LDB2: variants seen among roughly 807,000 people sequenced by gnomAD.
LDB2 encodes the protein LIM domain binding 2.
A neutral mutation model predicts 44.3 loss-of-function variants in LDB2; 12 were observed. The observed-to-expected ratio is 0.27, with a 90% confidence interval of 0.17 to 0.44. The LOEUF (loss-of-function observed/expected upper bound fraction) is 0.44, where lower values mean the gene tolerates loss of function less well. Ranked by LOEUF, LDB2 falls within the 20% of genes least tolerant of loss-of-function variation. LDB2 has a pLI of 1.00. For missense variants in LDB2, 344 were observed against 473.5 expected (o/e 0.73, Z 2.54); for synonymous variants, 164 against 174.8 (o/e 0.94, Z 0.49).
intron 2 of LDB2, among the ~76,000 whole-genome samples, chr4:16,703,909 G>C (rs1398778784): frequency 6.6e-6 from 1 of 152,132 alleles, no homozygotes; most frequent in Non-Finnish European, 1.5e-5. Flanking sequence ...TTCTTGTTTT[G>C]CATTTACTTA....
intron 2 of LDB2, among the ~76,000 whole-genome samples, chr4:16,597,922 T>TG (rs760885918): frequency 6.9e-4 from 105 of 152,332 alleles, no homozygotes; most frequent in Middle Eastern, 3.4e-3. Flanking sequence ...AACACAGCTT[T>TG]GCTTTATTGA....
intron 2 of LDB2, among the ~76,000 whole-genome samples, chr4:16,731,875 T>A (rs1760840983): frequency 6.6e-6 from 1 of 152,042 alleles, no homozygotes; most frequent in Non-Finnish European, 1.5e-5. Context: ...AAGCAGTAAC[T>A]ACAAAAAAGC....
chr4:16,512,578 T>C (rs1204368728), intron 5 of LDB2, among the ~76,000 whole-genome samples: 1 of 152,266 alleles, frequency 6.6e-6, no homozygotes, highest in Non-Finnish European at 1.5e-5. Context: ...TTATGCAGAT[T>C]GGTAGTGAAA....
chr4:16,676,049 A>C (rs184756672), intron 2 of LDB2, among the ~76,000 whole-genome samples: 2 of 152,348 alleles, frequency 1.3e-5, no homozygotes, highest in South Asian at 4.1e-4. Context: ...GAAGGCCTCT[A>C]CTGGGAGAAG....
chr4:16,890,999 C>G (rs1339390183), intron 1 of LDB2, among the ~76,000 whole-genome samples: 2 of 151,972 alleles, frequency 1.3e-5, no homozygotes, highest in African/African-American at 4.8e-5. Flanking sequence ...CTTTATTTTC[C>G]CTAAGATTCC....
At chr4:16,697,908 T>G (rs1233243355) in intron 2 of LDB2, among the ~76,000 whole-genome samples, 1 of 152,232 alleles carries the variant, frequency 6.6e-6, no homozygotes, top group Non-Finnish European at 1.5e-5. Context: ...GGTAGAAATT[T>G]GTTCACCATG....
chr4:16,509,219 G>T (rs532935467), intron 6 of LDB2, among the ~76,000 whole-genome samples: 1 of 152,184 alleles, frequency 6.6e-6, no homozygotes, highest in Non-Finnish European at 1.5e-5. Context: ...TACCTTTATA[G>T]AATTCTCAAG....
chr4:16,576,926 A>G (rs990766474), intron 5 of LDB2, among the ~76,000 whole-genome samples: 4 of 152,218 alleles, frequency 2.6e-5, no homozygotes, highest in African/African-American at 9.6e-5. Flanking sequence ...GAATAGTTCA[A>G]CGTATGCAAA....
chr4:16,876,641 TATAAC>T (rs979831079), intron 1 of LDB2, among the ~76,000 whole-genome samples: 2 of 152,148 alleles, frequency 1.3e-5, no homozygotes, highest in African/African-American at 2.4e-5. Flanking sequence ...AGTTTATAAA[TATAAC>T]ATACAGGTTT....
chr4:16,612,744 CG>C (rs1252647084), intron 2 of LDB2, among the ~76,000 whole-genome samples: 1 of 152,106 alleles, frequency 6.6e-6, no homozygotes, highest in Non-Finnish European at 1.5e-5. Context: ...CAGGACCGGA[CG>C]GATTCACAGC....
chr4:16,518,774 G>C (rs542756449), intron 5 of LDB2, among the ~76,000 whole-genome samples: 1 of 152,328 alleles, frequency 6.6e-6, no homozygotes, highest in South Asian at 2.1e-4. Flanking sequence ...TTGAGGCAGA[G>C]CATGTTCAAT....
intron 2 of LDB2, among the ~76,000 whole-genome samples, chr4:16,726,815 C>T (rs923474608): frequency 6.6e-6 from 1 of 152,122 alleles, no homozygotes; most frequent in Non-Finnish European, 1.5e-5. Flanking sequence ...AAATATTCAG[C>T]AGATGACAAA....
At chr4:16,846,927 A>G (rs552412328) in intron 1 of LDB2, among the ~76,000 whole-genome samples, 5 of 152,310 alleles carry the variant, frequency 3.3e-5, no homozygotes, top group Admixed American at 3.3e-4. Context: ...GTCAAAGTAC[A>G]TTTCCCAGAT....
At chr4:16,620,799 G>A (rs1363067661) in intron 2 of LDB2, among the ~76,000 whole-genome samples, 1 of 152,226 alleles carries the variant, frequency 6.6e-6, no homozygotes, top group African/African-American at 2.4e-5. Flanking sequence ...TGGTGACTGG[G>A]TGGGTAAGTC....
At chr4:16,521,050 G>GCTGT (rs1341033400) in intron 5 of LDB2, among the ~76,000 whole-genome samples, 1 of 152,156 alleles carries the variant, frequency 6.6e-6, no homozygotes, top group Non-Finnish European at 1.5e-5. Context: ...TTATTTCCCA[G>GCTGT]CTGTCTTTGC....
At chr4:16,811,117 G>A (rs1220206299) in intron 1 of LDB2, among the ~76,000 whole-genome samples, 3 of 152,150 alleles carry the variant, frequency 2.0e-5, no homozygotes, top group Non-Finnish European at 4.4e-5. Context: ...TCTATGGCCC[G>A]GGGGTTAAGG....
At chr4:16,801,816 G>A (rs1777894350) in intron 1 of LDB2, among the ~76,000 whole-genome samples, 1 of 152,084 alleles carries the variant, frequency 6.6e-6, no homozygotes, top group African/African-American at 2.4e-5. Flanking sequence ...ACCCATACCT[G>A]GAGAAAAGCC....
chr4:16,635,199 G>A (rs541789951), intron 2 of LDB2, among the ~76,000 whole-genome samples: 2 of 152,170 alleles, frequency 1.3e-5, no homozygotes, highest in East Asian at 3.9e-4. Flanking sequence ...TAGGTGATGA[G>A]TTGATGGGTG....
chr4:16,722,878 C>T (rs1758590669), intron 2 of LDB2, among the ~76,000 whole-genome samples: 1 of 152,140 alleles, frequency 6.6e-6, no homozygotes, highest in African/African-American at 2.4e-5. Flanking sequence ...GATGGTTCCA[C>T]TTATGATTTT....
Sources: allele counts gnomAD v4.1 joint callset (sites outside exome capture counted in the v4.1 genomes callset), GRCh38; gene constraint gnomAD v4.1.1; transcripts MANE v1.5; gene names NCBI Gene and HGNC (gene_info 2026-07-23, HGNC 2026-07-21).